Variants in EDEM3 observed in about 807,000 individuals in gnomAD.
EDEM3 encodes the protein ER degradation enhancing alpha-mannosidase like protein 3, also known as ER degradation-enhancing alpha-mannosidase-like protein 3.
In EDEM3, 60 loss-of-function variants were observed where a neutral mutation model predicts 110.2. That is an observed-to-expected ratio of 0.54 (90% confidence interval 0.44 to 0.67). The LOEUF (loss-of-function observed/expected upper bound fraction) is 0.67. EDEM3 is among the 30% of genes least tolerant of loss of function. EDEM3 has a pLI of 0.00. For synonymous variants in EDEM3, 352 were observed against 382.9 expected, an observed-to-expected ratio of 0.92 and a Z score of 0.94; for missense variants, 996 against 1,121.0, an observed-to-expected ratio of 0.89 and a Z score of 1.59.
chr1:184,700,372 C>T (rs1189873426), intron 19 of EDEM3, among the ~76,000 whole-genome samples: 1 of 151,894 alleles, frequency 6.6e-6, no homozygotes, highest in Non-Finnish European at 1.5e-5. Context: ...AAAAGGCAAT[C>T]TGGAGAACAT....
At chr1:184,719,406 T>A (rs753930274) in intron 10 of EDEM3, 37 bp downstream of exon 10, 9 of 1,598,416 alleles carry the variant, frequency 5.6e-6, no homozygotes, top group Non-Finnish European at 7.7e-6. Context: ...AACATCATCA[T>A]CTTACATTCA....
chr1:184,720,747 T>G (rs764804015), intron 9 of EDEM3: 1 of 153,666 alleles, frequency 6.5e-6, no homozygotes, highest in Non-Finnish European at 1.4e-5. Context: ...TTTGCTATAT[T>G]CATTTCAGTT....
rs1160525990 is a variant in EDEM3, at chr1:184,727,227, T to C, written c.613-838A>G. Among the ~76,000 whole-genome samples the C allele has an allele frequency of 2.6e-5, 4 of 152,238 alleles. No individual in the cohort carries two copies. In the East Asian group the frequency reaches 5.8e-4, roughly 22 times the overall value. ...ATCTCTTGAACTTGGGAGGTGGAGG[T>C]TGCAGTGAGCTGAGATAGCGCCACA... is the stretch of plus-strand genomic sequence containing the variant. On this transcript the variant is annotated intron_variant, in intron 6 of 19. Coordinates refer to ENST00000318130, the MANE Select transcript of EDEM3 (RefSeq NM_025191.4).
At chr1:184,747,032 A>C (rs972997318) in intron 2 of EDEM3, among the ~76,000 whole-genome samples, 1 of 151,908 alleles carries the variant, frequency 6.6e-6, no homozygotes, top group Non-Finnish European at 1.5e-5. Context: ...AAAAAAAAAA[A>C]ACATTATTTT....
intron 4 of EDEM3, among the ~76,000 whole-genome samples, chr1:184,734,861 G>A (rs1016775812): frequency 3.9e-5 from 6 of 152,134 alleles, no homozygotes; most frequent in South Asian, 4.1e-4. Context: ...TGCATACACC[G>A]AAATATTATG....
At chr1:184,709,603 G>A (rs796331063) in intron 16 of EDEM3, among the ~76,000 whole-genome samples, 3 of 152,356 alleles carry the variant, frequency 2.0e-5, no homozygotes, top group African/African-American at 2.4e-5. Context: ...CCACTTGGCA[G>A]TAATTATGCC....
chr1:184,691,802 A>G lies in EDEM3; in HGVS notation c.*2261T>C, dbSNP rs1649076563. ...ATATTGAGTATAATTCCTTCTGGGT[A>G]TTAAGAAAAATTGGTTAAATTTTTT... is the stretch of plus-strand genomic sequence containing the variant. On this transcript the variant is annotated 3_prime_UTR_variant, in exon 20 of 20. Coordinates refer to ENST00000318130, the MANE Select transcript of EDEM3 (RefSeq NM_025191.4). The G allele has an allele frequency of 6.6e-6, 1 of 152,106 alleles. No individual in the cohort carries two copies. The allele number at this position is 152,106 out of a possible 1,614,324, so 9.4% of individuals were successfully genotyped here.
chr1:184,718,518 T>G (rs1306855914), intron 11 of EDEM3, among the ~76,000 whole-genome samples: 1 of 152,126 alleles, frequency 6.6e-6, no homozygotes, highest in African/African-American at 2.4e-5. Flanking sequence ...CTTAGATATC[T>G]CACAGAGGGT....
chr1:184,693,162 G>C lies in EDEM3; in HGVS notation c.*901C>G. 1.3e-5 allele frequency: 2 copies of C among 155,212 alleles called. No homozygotes were observed. The highest frequency in any genetic ancestry group is 1.0e-3 in the Middle Eastern group (2 of 1,932). The allele number at this position is 155,212 out of a possible 1,614,324, so 9.6% of individuals were successfully genotyped here. ...TGGGATGGAGTAAGGCTGATGGCTAGAGGTAATCACCTCTAAGAGAAATGA... is the reference window on the plus strand; with the variant it reads ...TGGGATGGAGTAAGGCTGATGGCTACAGGTAATCACCTCTAAGAGAAATGA... On this transcript the variant is annotated 3_prime_UTR_variant, in exon 20 of 20. Coordinates refer to ENST00000318130, the MANE Select transcript of EDEM3 (RefSeq NM_025191.4).
Position 184,693,796 on chromosome 1 carries a change from C to A in EDEM3, c.*267G>T. 3.0e-6 allele frequency: 1 copy of A among 331,490 alleles called. No homozygotes were observed. Among genetic ancestry groups the A allele is most frequent in the Non-Finnish European group, 5.6e-6 (1 of 180,036 alleles). 20.5% of individuals were successfully genotyped at this position (331,490 alleles called of 1,614,324 possible). The stretch of plus-strand genomic sequence containing the variant: ...TCGCAGGAATGCTCAGTAATCTTTC[C>A]CTGGCCTGAGGTGTTGCAGGGTGGT... On this transcript the variant is annotated 3_prime_UTR_variant, in exon 20 of 20. Transcript: ENST00000318130.
At chr1:184,747,849 T>A (rs1571425811) in intron 2 of EDEM3, among the ~76,000 whole-genome samples, 1 of 152,254 alleles carries the variant, frequency 6.6e-6, no homozygotes, top group East Asian at 1.9e-4. Flanking sequence ...CTGCCATTGA[T>A]ATAACTGTTC....
At position 184,754,472 on chromosome 1, in the gene EDEM3, G is replaced by C. The variant is rs748371945; in HGVS notation, c.158+17C>G. 2.5e-6 allele frequency: 4 copies of C among 1,612,576 alleles called. No individual in the cohort carries two copies. Among genetic ancestry groups the C allele is most frequent in the Non-Finnish European group, 3.4e-6 (4 of 1,179,500 alleles). ...AGCCTCACCGAGAAACCCACCCCAG[G>C]CTGCCAGCACCCTTACCCAAGCTTC... On this transcript the variant is annotated intron_variant, in intron 1 of 19. Transcript: ENST00000318130.
At position 184,711,090 on chromosome 1, in the gene EDEM3, T is replaced by C. The variant is rs533869344; in HGVS notation, c.1692-543A>G. 2.2e-3 allele frequency among the ~76,000 whole-genome samples: 336 copies of C among 152,096 alleles called. 1 individual carries two copies. Among genetic ancestry groups the C allele is most frequent in the African/African-American group, 7.6e-3 (317 of 41,514 alleles). On this transcript the variant is annotated intron_variant, in intron 15 of 19. Transcript: ENST00000318130. Reference sequence around the variant, plus strand: ...CTGTATTTTCACTACACAGAAACTATAGACAAAAGGAAATTTTTTTTTTTT... The same window carrying C: ...CTGTATTTTCACTACACAGAAACTACAGACAAAAGGAAATTTTTTTTTTTT...
intron 6 of EDEM3, among the ~76,000 whole-genome samples, chr1:184,727,063 G>A (rs796553534): frequency 2.6e-5 from 4 of 152,290 alleles, no homozygotes; most frequent in African/African-American, 7.2e-5. Flanking sequence ...AGGCCAAGGC[G>A]AGTGGATCAC....
chr1:184,726,950 C>T (rs966242490), intron 6 of EDEM3, among the ~76,000 whole-genome samples: 9 of 152,144 alleles, frequency 5.9e-5, no homozygotes, highest in Admixed American at 6.5e-5. Flanking sequence ...GGCAGGCTAA[C>T]AACACAAGGG....
In EDEM3 at chr1:184,710,377, G is replaced by A; in HGVS notation, c.1845+17C>T. On this transcript the variant is annotated intron_variant, in intron 16 of 19. Transcript: ENST00000318130. ...GCAGGGCAGAGACGGTATCTAATTAGTGTAGCAATGTCTTACTTGGATTGC... is the reference window on the plus strand; with the variant it reads ...GCAGGGCAGAGACGGTATCTAATTAATGTAGCAATGTCTTACTTGGATTGC... 2.5e-6 allele frequency: 4 copies of A among 1,612,408 alleles called. No individual in the cohort carries two copies. Among genetic ancestry groups the A allele is most frequent in the South Asian group, 1.1e-5 (1 of 90,762 alleles).
At chr1:184,723,131 T>C (rs368219487) in intron 8 of EDEM3, among the ~76,000 whole-genome samples, 3 of 151,996 alleles carry the variant, frequency 2.0e-5, no homozygotes, top group South Asian at 2.1e-4. Context: ...TTCCCAGAAG[T>C]AAAATTATTA....
At chr1:184,717,709 TA>T in intron 11 of EDEM3, 86 bp from the exon 12 acceptor site, 1 of 870,366 alleles carries the variant, frequency 1.1e-6, no homozygotes, top group Non-Finnish European at 1.6e-6. Flanking sequence ...TATAAATAGG[TA>T]AAAGCAATTA....
At chr1:184,708,561 C>CT (rs1650059788) in intron 16 of EDEM3, among the ~76,000 whole-genome samples, 1 of 152,182 alleles carries the variant, frequency 6.6e-6, no homozygotes, top group African/African-American at 2.4e-5. Flanking sequence ...ATCAATGTCA[C>CT]TTTCGCTATT....
Sources: gnomAD v4.1 joint callset for allele counts (sites outside exome capture counted in the v4.1 genomes callset) on GRCh38, gnomAD v4.1.1 for gene constraint, MANE v1.5 for transcripts, NCBI Gene and HGNC (gene_info 2026-07-23, HGNC 2026-07-21) for gene names.